The following IL17RE variants were observed in gnomAD, a reference collection of about 807,000 sequenced individuals.
IL17RE encodes interleukin-17 receptor E.
Under a neutral mutation model 70.7 loss-of-function variants are expected in IL17RE, and 47 were observed. The ratio of observed to expected loss-of-function variants is 0.67; its 90% CI spans 0.53 to 0.85. The LOEUF is 0.85. IL17RE is among the 40% of genes least tolerant of loss of function. The pLI is 0.00. For synonymous variants in IL17RE, 372 were observed against 381.2 expected (o/e 0.98, Z 0.28); for missense variants, 850 against 893.9 (o/e 0.95, Z 0.63).
chr3:9,912,151 G>A (rs908836268), intron 12 of IL17RE, among the ~76,000 whole-genome samples: 5 of 152,158 alleles, frequency 3.3e-5, no homozygotes, highest in East Asian at 1.9e-4. Flanking sequence ...TATTGTGAAC[G>A]GTGCATGCGA....
At chr3:9,909,033 C>T (rs1206346661) in intron 7 of IL17RE, among the ~76,000 whole-genome samples, 184 bp from the exon 8 acceptor site, 1 of 152,158 alleles carries the variant, frequency 6.6e-6, no homozygotes, top group African/African-American at 2.4e-5. Context: ...TTATCCCTCT[C>T]CTATGCTCTG....
intron 12 of IL17RE, among the ~76,000 whole-genome samples, chr3:9,913,646 T>C (rs1017389089): frequency 2.0e-5 from 3 of 152,178 alleles, no homozygotes; most frequent in African/African-American, 7.2e-5. Flanking sequence ...GAGACAGCCT[T>C]CCTGGTTTGT....
intron 3 of IL17RE, among the ~76,000 whole-genome samples, chr3:9,905,777 G>A (rs950359831): frequency 1.9e-4 from 29 of 152,140 alleles, no homozygotes; most frequent in Admixed American, 2.0e-4. Context: ...CCAAGATCGC[G>A]CCGCTGCACT....
chr3:9,907,083 A>C lies in IL17RE; in HGVS notation c.649A>C (p.Ser217Arg). ...GGCACTGGAGTGTGAAGAGCTGAGC[A>C]GTCCCTATGATGTCCAGGTATGGTG... ...QWALECEELSSPYDVQKIVSG... is the reference protein window; with the variant it reads ...QWALECEELSRPYDVQKIVSG... The change falls in exon 6 of 16, where the codon AGT becomes CGT. Residue 217 changes from serine to arginine, a missense_variant. Coordinates refer to ENST00000383814, the MANE Select transcript of IL17RE (RefSeq NM_153480.2). 1 of 1,614,216 alleles carries C rather than the reference A, an allele frequency of 6.2e-7. No homozygotes were observed. The highest frequency in any genetic ancestry group is 8.5e-7 in the Non-Finnish European group (1 of 1,180,048).
chr3:9,905,980 C>T (rs953270507), intron 3 of IL17RE, among the ~76,000 whole-genome samples: 11 of 151,278 alleles, frequency 7.3e-5, no homozygotes, highest in Non-Finnish European at 1.3e-4. Context: ...ACTATCAGGC[C>T]GGCTCATGCC....
At chr3:9,912,530 T>C (rs1349356171) in intron 12 of IL17RE, among the ~76,000 whole-genome samples, 2 of 152,202 alleles carry the variant, frequency 1.3e-5, no homozygotes, top group Non-Finnish European at 2.9e-5. Context: ...TATCAGACTA[T>C]CTTCCATGTA....
In IL17RE at chr3:9,915,440, C is replaced by T; in HGVS notation, c.1637C>T (p.Thr546Met). The T allele has an allele frequency of 1.5e-6, 2 of 1,351,830 alleles. No individual in the cohort carries two copies. The highest frequency in any genetic ancestry group is 1.9e-5 in the South Asian group (1 of 52,804). 83.7% of individuals were successfully genotyped at this position (1,351,830 alleles called of 1,614,324 possible). ...GPLPWLWAAR[T>M]RVAREQGTVL... The stretch of plus-strand genomic sequence containing the variant: ...CTGCCGTGGCTCTGGGCGGCGCGGA[C>T]GCGCGTAGCGCGGGAGCAGGGCACT... The change falls in exon 16 of 16, where the codon ACG becomes ATG. Residue 546 changes from threonine (T) to methionine (M), a missense_variant. Thr to Met is a moderately conservative substitution (Grantham distance 81, BLOSUM62 -1). Coordinates refer to ENST00000383814, the MANE Select transcript of IL17RE (RefSeq NM_153480.2). The surrounding 1 kb of genome is among the most constrained non-coding windows in gnomAD (Gnocchi z 4.9).
rs2082672468 is a variant in IL17RE, at chr3:9,903,014, T to C, written c.82T>C (p.Phe28Leu). ...IDLSDSAGIGFRHLPHWNTRC... is the reference protein window; with the variant it reads ...IDLSDSAGIGLRHLPHWNTRC... ...CCTCTCTGACTCTGCTGGGATTGGCTTTCGCCACCTGCCCCACTGGAACAC... is the reference window on the plus strand; with the variant it reads ...CCTCTCTGACTCTGCTGGGATTGGCCTTCGCCACCTGCCCCACTGGAACAC... The change falls in exon 1 of 16, where the codon TTT becomes CTT. Residue 28 changes from phenylalanine to leucine, a missense_variant. By Grantham distance (22) the Phe-to-Leu change is conservative. Transcript: ENST00000383814. 2 of 1,614,206 alleles carry C rather than the reference T, an allele frequency of 1.2e-6. No individual in the cohort carries two copies. The highest frequency in any genetic ancestry group is 1.7e-6 in the Non-Finnish European group (2 of 1,180,034).
chr3:9,912,072 C>T (rs1461298015), intron 12 of IL17RE, among the ~76,000 whole-genome samples: 1 of 152,144 alleles, frequency 6.6e-6, no homozygotes, highest in Non-Finnish European at 1.5e-5. Context: ...GGTGAGCAAG[C>T]ATTACTGCCT....
At chr3:9,904,501 T>C (rs1211781985) in intron 3 of IL17RE, among the ~76,000 whole-genome samples, 1 of 152,214 alleles carries the variant, frequency 6.6e-6, no homozygotes, top group African/African-American at 2.4e-5. Flanking sequence ...TGGCAGTTTC[T>C]AGGCCAGGCG....
At chr3:9,903,190 C>G (rs190722050) in intron 1 of IL17RE, 126 bp downstream of exon 1, 2 of 1,016,928 alleles carry the variant, frequency 2.0e-6, no homozygotes, top group East Asian at 4.9e-5. Context: ...TGTCCTCTAC[C>G]TAGTCTCAAA....
chr3:9,903,310 A>G, intron 1 of IL17RE, 87 bp from the exon 2 acceptor site: 1 of 1,496,250 alleles, frequency 6.7e-7, no homozygotes, highest in Non-Finnish European at 9.3e-7. Flanking sequence ...GCTGATTTGA[A>G]GCAAAGACCC....
Position 9,915,273 on chromosome 3 carries a change from G to T in IL17RE, c.1470G>T (p.Val490=). 5 of 1,405,918 alleles carry T rather than the reference G, an allele frequency of 3.6e-6. No homozygotes were observed. Among genetic ancestry groups the T allele is most frequent in the Non-Finnish European group, 4.6e-6 (5 of 1,088,138 alleles). 87.1% of individuals were successfully genotyped at this position (1,405,918 alleles called of 1,614,324 possible). A position where few individuals can be genotyped will look rare whatever the true frequency, so the allele number is the denominator to read the frequency against. ...CAGGCCCGGGCCCAGCGCGGCCAGT[G>T]CTCCTCCTGCACGCGGCGGACTCGG... is the stretch of plus-strand genomic sequence containing the variant. ...PQSGPGPARP[V]LLLHAADSEA... Residue 490 remains valine (V), a synonymous_variant, in exon 16 of 16, where the codon GTG becomes GTT. Coordinates refer to ENST00000383814, the MANE Select transcript of IL17RE (RefSeq NM_153480.2). The surrounding 1 kb of genome is among the most constrained non-coding windows in gnomAD (Gnocchi z 4.9).
In IL17RE at chr3:9,903,505, C is replaced by A. The variant is rs577544774; in HGVS notation, c.148+93C>A. On this transcript the variant is annotated intron_variant, in intron 2 of 15. Transcript: ENST00000383814. ...CTCCATTCTAATTTTCAGTTCCCAACCCGGGAAGTAGCACAATATCAAGGA... is the reference window on the plus strand; with the variant it reads ...CTCCATTCTAATTTTCAGTTCCCAAACCGGGAAGTAGCACAATATCAAGGA... 5.8e-5 allele frequency: 81 copies of A among 1,393,156 alleles called. No homozygotes were observed. In the Middle Eastern group the frequency reaches 9.8e-4, roughly 17 times the overall value. 86.3% of individuals were successfully genotyped at this position (1,393,156 alleles called of 1,614,324 possible). A position where few individuals can be genotyped will look rare whatever the true frequency, so the allele number is the denominator to read the frequency against.
chr3:9,908,246 T>C lies in IL17RE; in HGVS notation c.674T>C (p.Val225Ala), dbSNP rs760545422. 3 of 1,614,012 alleles carry C rather than the reference T, an allele frequency of 1.9e-6. No individual in the cohort carries two copies. Among genetic ancestry groups the C allele is most frequent in the South Asian group, 2.2e-5 (2 of 91,074 alleles). The part of the protein sequence containing the change: ...LSSPYDVQKI[V>A]SGGHTVELPY... ...TTGCTGTTTCATCCACAGAAAATTGTGTCTGGGGGCCACACTGTAGAGCTG... is the reference window on the plus strand; with the variant it reads ...TTGCTGTTTCATCCACAGAAAATTGCGTCTGGGGGCCACACTGTAGAGCTG... Residue 225 changes from valine (V) to alanine (A), a missense_variant, in exon 7 of 16, where the codon GTG (valine) becomes GCG (alanine). Transcript: ENST00000383814.
At chr3:9,910,229 TG>T (rs2082859196) in intron 8 of IL17RE, 1 of 151,824 alleles carries the variant, frequency 6.6e-6, no homozygotes, top group African/African-American at 2.4e-5. Flanking sequence ...TAGCCGGGCA[TG>T]GTGATGCGCG....
chr3:9,911,103 A>G (rs1261541377), intron 9 of IL17RE, 24 bp from the exon 10 acceptor site: 1 of 1,614,018 alleles, frequency 6.2e-7, no homozygotes, highest in African/African-American at 1.3e-5. Flanking sequence ...TTTCTCCCTG[A>G]TGAACTCTCC....
In IL17RE at chr3:9,908,245, G is replaced by A; in HGVS notation, c.673G>A (p.Val225Met). 1 of 1,614,072 alleles carries A rather than the reference G, an allele frequency of 6.2e-7. No individual in the cohort carries two copies. The highest frequency in any genetic ancestry group is 8.5e-7 in the Non-Finnish European group (1 of 1,179,954). The change falls in exon 7 of 16, where the codon GTG becomes ATG. Residue 225 changes from valine (V) to methionine (M), a missense_variant. Physicochemically the swap from Val to Met is conservative, Grantham distance 21. Coordinates refer to ENST00000383814, the MANE Select transcript of IL17RE (RefSeq NM_153480.2). Reference sequence around the variant, plus strand: ...TTTGCTGTTTCATCCACAGAAAATTGTGTCTGGGGGCCACACTGTAGAGCT... The same window carrying A: ...TTTGCTGTTTCATCCACAGAAAATTATGTCTGGGGGCCACACTGTAGAGCT... ...LSSPYDVQKI[V>M]SGGHTVELPY...
Position 9,916,042 on chromosome 3 carries a change from G to A in IL17RE, c.*235G>A. On this transcript the variant is annotated 3_prime_UTR_variant, in exon 16 of 16. Coordinates refer to ENST00000383814, the MANE Select transcript of IL17RE (RefSeq NM_153480.2). ...CTCCTCTAACCCCTGTTCTGATGGG[G>A]GAGGGCGGTCTTCCCACTTCCTCTC... is the stretch of plus-strand genomic sequence containing the variant. 1.7e-6 allele frequency: 1 copy of A among 600,690 alleles called. No homozygotes were observed. The highest frequency in any genetic ancestry group is 2.5e-6 in the Non-Finnish European group (1 of 402,960). The allele number at this position is 600,690 out of a possible 1,614,324, so 37.2% of individuals were successfully genotyped here.
Sources: gnomAD v4.1 joint callset for allele counts (sites outside exome capture counted in the v4.1 genomes callset) on GRCh38, gnomAD v4.1.1 for gene constraint, Gnocchi (gnomAD v3.1) non-coding constraint, MANE v1.5 for transcripts, NCBI Gene and HGNC (gene_info 2026-07-23, HGNC 2026-07-21) for gene names.